SLC60A1: variants seen among roughly 807,000 people sequenced by gnomAD.
SLC60A1 encodes the protein solute carrier family 60 member 1.
chr1:205,588,712 GTTAAA>G, the SLC60A1 span, among the ~76,000 whole-genome samples: 1 of 152,152 alleles, frequency 6.6e-6, no homozygotes, highest in African/African-American at 2.4e-5. Flanking sequence ...TCCTCTCTAG[GTTAAA>G]TTAATGGCCA....
At chr1:205,601,057 G>C in the SLC60A1 span, 1 of 152,150 alleles carries the variant, frequency 6.6e-6, no homozygotes, top group Admixed American at 6.5e-5. Context: ...TGCTAAGCTG[G>C]CTCATACCAA....
chr1:205,578,932 C>G, the SLC60A1 span, among the ~76,000 whole-genome samples: 1 of 152,176 alleles, frequency 6.6e-6, no homozygotes, highest in Non-Finnish European at 1.5e-5. Flanking sequence ...CTCTGAGAGT[C>G]TGGTTATTGG....
the SLC60A1 span, among the ~76,000 whole-genome samples, chr1:205,582,459 G>A: frequency 2.6e-5 from 4 of 152,260 alleles, no homozygotes; most frequent in African/African-American, 9.6e-5. Flanking sequence ...TTAAGGTGGG[G>A]CTGCCTTCCC....
At chr1:205,599,448 CTT>C in the SLC60A1 span, among the ~76,000 whole-genome samples, 3 of 152,220 alleles carry the variant, frequency 2.0e-5, no homozygotes, top group African/African-American at 7.2e-5. Context: ...GCGCTGGACT[CTT>C]AAGATAGGCG....
the SLC60A1 span, among the ~76,000 whole-genome samples, chr1:205,569,943 C>T: frequency 5.3e-5 from 8 of 152,036 alleles, no homozygotes; most frequent in Admixed American, 5.2e-4. Context: ...CATGGGCCCC[C>T]GAGACACACA....
the SLC60A1 span, among the ~76,000 whole-genome samples, chr1:205,572,910 G>A: frequency 6.6e-6 from 1 of 152,128 alleles, no homozygotes; most frequent in Non-Finnish European, 1.5e-5. Context: ...TTATTCATCC[G>A]AGTCAAAAAG....
chr1:205,586,222 A>G, the SLC60A1 span: 1 of 1,612,662 alleles, frequency 6.2e-7, no homozygotes, highest in Admixed American at 1.7e-5. Flanking sequence ...GCAGCTGAAT[A>G]GCCTCCTCTC....
chr1:205,586,641 A>T, the SLC60A1 span, among the ~76,000 whole-genome samples: 54 of 151,604 alleles, frequency 3.6e-4, no homozygotes, highest in African/African-American at 1.3e-3. Flanking sequence ...AACCGTCGGA[A>T]TCACTGCCTC....
the SLC60A1 span, chr1:205,580,624 C>CG: frequency 6.3e-7 from 1 of 1,590,988 alleles, no homozygotes; most frequent in Non-Finnish European, 8.6e-7. This position sits in a 1 kb window ranked among gnomAD's most constrained non-coding sequence, Gnocchi z 5.0. Context: ...TGAAGACTGA[C>CG]CCCCACCCCC....
the SLC60A1 span, chr1:205,585,103 T>A: frequency 1.2e-6 from 1 of 831,852 alleles, no homozygotes; most frequent in Non-Finnish European, 2.0e-6. This position sits in a 1 kb window ranked among gnomAD's most constrained non-coding sequence, Gnocchi z 4.2. Context: ...AGACTTCTCC[T>A]GGAGTACACT....
the SLC60A1 span, among the ~76,000 whole-genome samples, chr1:205,594,761 C>T: frequency 6.6e-6 from 1 of 152,214 alleles, no homozygotes; most frequent in African/African-American, 2.4e-5. Context: ...TCTTCATTGA[C>T]CTGCTTGGAC....
At chr1:205,570,271 G>A in the SLC60A1 span, among the ~76,000 whole-genome samples, 4 of 152,194 alleles carry the variant, frequency 2.6e-5, no homozygotes, top group Admixed American at 2.0e-4. Flanking sequence ...ATAGAATAGG[G>A]AATAGATGAC....
At chr1:205,590,321 T>A in the SLC60A1 span, among the ~76,000 whole-genome samples, 1 of 152,236 alleles carries the variant, frequency 6.6e-6, no homozygotes, top group Non-Finnish European at 1.5e-5. Context: ...TCAGGGACCA[T>A]GTTCTGTGCC....
At chr1:205,599,309 C>T in the SLC60A1 span, 28 of 1,601,572 alleles carry the variant, frequency 1.7e-5, no homozygotes, top group Non-Finnish European at 2.1e-5. Flanking sequence ...GGTCGGGGAG[C>T]GGGGGAGCAG....
At chr1:205,572,927 C>G in the SLC60A1 span, among the ~76,000 whole-genome samples, 1 of 152,140 alleles carries the variant, frequency 6.6e-6, no homozygotes, top group Non-Finnish European at 1.5e-5. Context: ...AAAGTAGAAA[C>G]AAACCAAATG....
chr1:205,600,479 A>G, the SLC60A1 span: 4 of 1,613,348 alleles, frequency 2.5e-6, no homozygotes, highest in Non-Finnish European at 3.4e-6. Flanking sequence ...TGAAGAAGGC[A>G]AGAGAAGACT....
chr1:205,586,257 C>G, the SLC60A1 span: 3 of 1,603,260 alleles, frequency 1.9e-6, no homozygotes, highest in African/African-American at 4.0e-5. Context: ...CAGGAGAAGC[C>G]GCCTCCTCCT....
chr1:205,600,473 G>C, the SLC60A1 span: 2 of 1,613,610 alleles, frequency 1.2e-6, no homozygotes, highest in Non-Finnish European at 1.7e-6. Flanking sequence ...ACTGGGTGAA[G>C]AAGGCAAGAG....
chr1:205,593,416 A>AGCTGAAATCCCGCCACT, the SLC60A1 span, among the ~76,000 whole-genome samples: 105 of 74,718 alleles, frequency 1.4e-3, 5 homozygotes, highest in South Asian at 0.018. Context: ...GCTTGCAGTG[A>AGCTGAAATCCCGCCACT]GCACTCCAGC....
Sources: gnomAD v4.1 joint callset for allele counts (sites outside exome capture counted in the v4.1 genomes callset) on GRCh38, gnomAD v4.1.1 for gene constraint, Gnocchi (gnomAD v3.1) non-coding constraint, MANE v1.5 for transcripts, NCBI Gene and HGNC (gene_info 2026-07-23, HGNC 2026-07-21) for gene names.